Variants in SLC9A2 observed in about 807,000 individuals in gnomAD.
SLC9A2 encodes solute carrier family 9 member A2, also known as sodium/hydrogen exchanger 2.
A neutral mutation model predicts 71.7 loss-of-function variants in SLC9A2; 42 were observed. The observed-to-expected ratio is 0.59, with a 90% CI of 0.46 to 0.76. The LOEUF (loss-of-function observed/expected upper bound fraction) is 0.76, where lower values mean the gene tolerates loss of function less well. Ranked by LOEUF, SLC9A2 falls within the 30% of genes least tolerant of loss-of-function variation. The pLI, the probability that SLC9A2 is intolerant of heterozygous loss-of-function variation, is 0.00. For missense variants in SLC9A2, 829 were observed against 1,017.4 expected, an observed-to-expected ratio of 0.81 and a Z score of 2.52; for synonymous variants, 396 against 392.5, an observed-to-expected ratio of 1.01 and a Z score of -0.10.
intron 1 of SLC9A2, among the ~76,000 whole-genome samples, chr2:102,636,664 G>C (rs1676474654): frequency 6.6e-6 from 1 of 152,194 alleles, no homozygotes; most frequent in African/African-American, 2.4e-5. Flanking sequence ...CATGAGTTGA[G>C]AGAACGATAA....
rs987680491 is a variant in SLC9A2, at chr2:102,683,226, T to A, written c.1005-35T>A. On this transcript the variant is annotated intron_variant, in intron 3 of 11. Transcript: ENST00000233969. ...TCTTGCATTCTGATTAAGATCATTG[T>A]TAGGTTTCAATAGAAGCTGAATCTT... The A allele has an allele frequency of 3.4e-6, 5 of 1,460,712 alleles. No homozygotes were observed. The Admixed American group carries it at 8.4e-5, about 24-fold the overall frequency. 90.5% of individuals were successfully genotyped at this position (1,460,712 alleles called of 1,614,324 possible).
At chr2:102,629,369 G>A (rs921091453) in intron 1 of SLC9A2, among the ~76,000 whole-genome samples, 9 of 151,754 alleles carry the variant, frequency 5.9e-5, no homozygotes, top group South Asian at 2.1e-4. Flanking sequence ...TTGATTTTGC[G>A]CATGTACTTT....
chr2:102,631,913 T>C (rs1180463818), intron 1 of SLC9A2, among the ~76,000 whole-genome samples: 3 of 148,868 alleles, frequency 2.0e-5, no homozygotes, highest in Admixed American at 6.8e-5. Context: ...CTGTTGTAAT[T>C]CCACATCTGC....
intron 2 of SLC9A2, among the ~76,000 whole-genome samples, 170 bp downstream of exon 2, chr2:102,658,197 A>T (rs1040280606): frequency 6.6e-6 from 1 of 152,074 alleles, no homozygotes; most frequent in African/African-American, 2.4e-5. Flanking sequence ...ACTGTCTTAT[A>T]ATTCTTAATA....
chr2:102,679,822 T>G (rs1677416869), intron 3 of SLC9A2, among the ~76,000 whole-genome samples: 1 of 152,236 alleles, frequency 6.6e-6, no homozygotes, highest in Admixed American at 6.5e-5. Context: ...TTTAGAACAT[T>G]TAGAGAAACA....
rs755540716 is a variant in SLC9A2 at position 102,704,685 on chromosome 2, T to TGTGC, written c.1977+12_1977+15dup. 3.7e-6 allele frequency: 6 copies of TGTGC among 1,607,920 alleles called. No individual in the cohort carries two copies. The highest frequency in any genetic ancestry group is 3.3e-5 in the South Asian group (3 of 90,958). ...GAATCGAGAACACAGGGTAACTGAG[T>TGTGC]GTGCGCCTCTAGGAGACTTCCAGGG... On this transcript the variant is annotated intron_variant, in intron 10 of 11. Coordinates refer to ENST00000233969, the MANE Select transcript of SLC9A2 (RefSeq NM_003048.6).
intron 1 of SLC9A2, among the ~76,000 whole-genome samples, chr2:102,636,348 C>T (rs929544939): frequency 1.3e-5 from 2 of 152,306 alleles, no homozygotes; most frequent in East Asian, 3.9e-4. Flanking sequence ...AAATATTTCC[C>T]TGCCATGTAA....
chr2:102,671,060 G>T (rs182932099), intron 3 of SLC9A2, among the ~76,000 whole-genome samples: 2 of 151,946 alleles, frequency 1.3e-5, no homozygotes, highest in African/African-American at 4.8e-5. Flanking sequence ...ATTATATGAC[G>T]CATCATGTTT....
At chr2:102,699,736 G>C (rs1326644459) in intron 7 of SLC9A2, among the ~76,000 whole-genome samples, 3 of 152,108 alleles carry the variant, frequency 2.0e-5, no homozygotes, top group African/African-American at 4.8e-5. Flanking sequence ...ATAATCCTGG[G>C]GGCTAGAAGT....
rs959532687 is a variant in SLC9A2, at chr2:102,619,979, G to A, written c.131G>A (p.Gly44Asp). The change falls in exon 1 of 12, where the codon GGC (glycine) becomes GAC (aspartate). Residue 44 changes from glycine to aspartate, a missense_variant. Gly to Asp is a moderately conservative substitution (Grantham distance 94). Coordinates refer to ENST00000233969, the MANE Select transcript of SLC9A2 (RefSeq NM_003048.6). The surrounding 1 kb of genome is among the most constrained non-coding windows in gnomAD (Gnocchi z 4.3). ...TTGCTGAACGCGCCGAGGGCCATGG[G>A]CACCAGTTCCAGCCCGCCTAGCCCT... Reference protein sequence around the residue: ...ETLLNAPRAMGTSSSPPSPAS... With the variant: ...ETLLNAPRAMDTSSSPPSPAS... The A allele has an allele frequency of 6.8e-6, 11 of 1,613,670 alleles. No homozygotes were observed. The highest frequency in any genetic ancestry group is 9.3e-6 in the Non-Finnish European group (11 of 1,179,828).
At chr2:102,655,255 G>T (rs1676915113) in intron 1 of SLC9A2, among the ~76,000 whole-genome samples, 2 of 135,412 alleles carry the variant, frequency 1.5e-5, no homozygotes, top group Non-Finnish European at 3.0e-5. Flanking sequence ...CTGGATTCAA[G>T]TGATTCTCCT....
At chr2:102,626,444 T>C (rs1283091459) in intron 1 of SLC9A2, among the ~76,000 whole-genome samples, 3 of 152,166 alleles carry the variant, frequency 2.0e-5, no homozygotes, top group Non-Finnish European at 2.9e-5. Flanking sequence ...AAGACTTAAA[T>C]GTTAGACCTA....
intron 9 of SLC9A2, 41 bp from the exon 10 acceptor site, chr2:102,704,497 GGTTTTT>G (rs779691851): frequency 2.5e-6 from 4 of 1,580,924 alleles, no homozygotes; most frequent in African/African-American, 2.7e-5. Flanking sequence ...GAAATGATCA[GGTTTTT>G]GTTTTTGTTT....
chr2:102,707,094 A>T (rs1216456777), intron 11 of SLC9A2, among the ~76,000 whole-genome samples: 4 of 152,180 alleles, frequency 2.6e-5, no homozygotes, highest in African/African-American at 9.7e-5. Flanking sequence ...GGATTTCAAA[A>T]GAGGGGAGAT....
rs902523981 is a variant in SLC9A2, at chr2:102,708,443, C to T, written c.2393C>T (p.Ser798Leu). The change falls in exon 12 of 12, where the codon TCG becomes TTG. Residue 798 changes from serine (S) to leucine (L), a missense_variant. By Grantham distance (145) the Ser-to-Leu change is moderately radical. Around this residue, in one of 3 missense-constraint regions of SLC9A2, gnomAD observed 223 missense variants for 197.5 expected, o/e 1.13. Coordinates refer to ENST00000233969, the MANE Select transcript of SLC9A2 (RefSeq NM_003048.6). ...CCACCACGGCTGGTCTGGAGGGCAT[C>T]GGAACCTGGAAGCCGGAAAGCCCGA... is the stretch of plus-strand genomic sequence containing the variant. ...KPPPRLVWRA[S>L]EPGSRKARFG... 5 of 1,614,098 alleles carry T rather than the reference C, an allele frequency of 3.1e-6. No homozygotes were observed. The highest frequency in any genetic ancestry group is 1.7e-5 in the Admixed American group (1 of 60,006).
chr2:102,636,698 T>TG (rs1459748127), intron 1 of SLC9A2, among the ~76,000 whole-genome samples: 1 of 152,204 alleles, frequency 6.6e-6, no homozygotes, highest in Non-Finnish European at 1.5e-5. Context: ...ACATCTAGCC[T>TG]GGGGCAGTAG....
intron 3 of SLC9A2, among the ~76,000 whole-genome samples, chr2:102,682,259 C>T (rs748268572): frequency 1.1e-4 from 16 of 152,184 alleles, no homozygotes; most frequent in Non-Finnish European, 2.4e-4. Context: ...CCAAGCTCAT[C>T]CTAAATTCTC....
intron 1 of SLC9A2, among the ~76,000 whole-genome samples, chr2:102,652,311 C>T (rs552531767): frequency 6.6e-6 from 1 of 152,290 alleles, no homozygotes; most frequent in South Asian, 2.1e-4. Context: ...CCCACATGCT[C>T]AGAGAACAGA....
In SLC9A2 at chr2:102,620,073, C is replaced by T. The variant is rs1209082122; in HGVS notation, c.225C>T (p.Tyr75=). ...ESRLPVFTLD[Y]PHVQIPFEIT... ...GGCTGCCTGTGTTTACGCTGGATTA[C>T]CCCCACGTGCAGATCCCCTTCGAGA... is the stretch of plus-strand genomic sequence containing the variant. Residue 75 remains tyrosine, a synonymous_variant, in exon 1 of 12, where the codon TAC becomes TAT. Transcript: ENST00000233969. The T allele has an allele frequency of 1.9e-6, 3 of 1,613,962 alleles. No individual in the cohort carries two copies. The East Asian group carries it at 6.7e-5, about 36-fold the overall frequency.
Sources: allele counts gnomAD v4.1 joint callset (sites outside exome capture counted in the v4.1 genomes callset), GRCh38; gene constraint gnomAD v4.1.1; regional missense constraint gnomAD v4.1.1; non-coding constraint Gnocchi (gnomAD v3.1); transcripts MANE v1.5; gene names NCBI Gene and HGNC (gene_info 2026-07-23, HGNC 2026-07-21).